Variants in THSD7B observed in about 807,000 individuals in gnomAD.
THSD7B encodes thrombospondin type 1 domain containing 7B.
A neutral mutation model predicts 213.6 loss-of-function variants in THSD7B; 138 were observed. The observed-to-expected ratio is 0.65, with a 90% CI of 0.56 to 0.74. The LOEUF (loss-of-function observed/expected upper bound fraction) is 0.74. THSD7B is among the 30% of genes least tolerant of loss of function. The pLI is 0.00. For synonymous variants in THSD7B, 742 were observed against 687.0 expected (o/e 1.08, Z -1.25); for missense variants, 1,931 against 1,991.5 (o/e 0.97, Z 0.58).
intron 27 of THSD7B, among the ~76,000 whole-genome samples, chr2:137,674,588 A>C (rs1184066383): frequency 6.6e-6 from 1 of 152,188 alleles, no homozygotes; most frequent in African/African-American, 2.4e-5. Flanking sequence ...ACTGGAACAT[A>C]CTTAGTATAG....
intron 14 of THSD7B, 28 bp downstream of exon 14, chr2:137,411,900 T>A: frequency 2.5e-6 from 4 of 1,612,136 alleles, no homozygotes; most frequent in Non-Finnish European, 3.4e-6. Flanking sequence ...GAGTAACAGA[T>A]GAGAACACTC....
At chr2:137,647,790 C>A (rs1199259525) in intron 21 of THSD7B, among the ~76,000 whole-genome samples, 1 of 152,094 alleles carries the variant, frequency 6.6e-6, no homozygotes, top group East Asian at 1.9e-4. Flanking sequence ...ATGTGAGTAG[C>A]CAAGAAACCA....
At chr2:137,335,166 G>T (rs988200858) in intron 12 of THSD7B, among the ~76,000 whole-genome samples, 7 of 152,178 alleles carry the variant, frequency 4.6e-5, no homozygotes, top group African/African-American at 1.7e-4. Flanking sequence ...AAATGTAGTA[G>T]CTATTTGGAA....
At chr2:136,858,900 T>C (rs138611414) in intron 1 of THSD7B, among the ~76,000 whole-genome samples, 166 of 152,314 alleles carry the variant, frequency 1.1e-3, no homozygotes, top group Admixed American at 1.8e-3. Context: ...CCACTGTTAA[T>C]TGAACCATAA....
At chr2:137,004,425 T>C (rs1449186137) in intron 2 of THSD7B, among the ~76,000 whole-genome samples, 7 of 152,138 alleles carry the variant, frequency 4.6e-5, no homozygotes, top group East Asian at 1.9e-4. Flanking sequence ...GTTCTTCTTA[T>C]GGAAACAATT....
chr2:136,823,083 T>C (rs544619186), intron 1 of THSD7B, among the ~76,000 whole-genome samples: 1 of 152,340 alleles, frequency 6.6e-6, no homozygotes, highest in Non-Finnish European at 1.5e-5. Flanking sequence ...CAGCACACGC[T>C]TTCTGGTTAG....
chr2:137,632,006 T>A (rs1682750165), intron 20 of THSD7B, among the ~76,000 whole-genome samples: 1 of 152,144 alleles, frequency 6.6e-6, no homozygotes, highest in South Asian at 2.1e-4. Flanking sequence ...TAGACCTAAT[T>A]TTACCGATGT....
chr2:137,488,562 A>G (rs1379685388), intron 15 of THSD7B, among the ~76,000 whole-genome samples: 1 of 152,194 alleles, frequency 6.6e-6, no homozygotes, highest in Non-Finnish European at 1.5e-5. Flanking sequence ...TTAGAAGTAG[A>G]GGTTCTAGTG....
Position 137,531,763 on chromosome 2 carries a change from C to G in THSD7B, c.3139-31458C>G, listed in dbSNP as rs576861113. 2.6e-5 allele frequency among the ~76,000 whole-genome samples: 4 copies of G among 152,058 alleles called. No individual in the cohort carries two copies. The East Asian group carries it at 7.8e-4, about 30-fold the overall frequency. ...AAAGGCATCTGTGTGACCCTTTCCC[C>G]TTAATGCTCATGTGCTTTATACCAC... On this transcript the variant is annotated intron_variant, in intron 15 of 27. Coordinates refer to ENST00000409968, the MANE Select transcript of THSD7B (RefSeq NM_001316349.2).
At chr2:137,632,243 T>C (rs1321375717) in intron 20 of THSD7B, among the ~76,000 whole-genome samples, 1 of 152,146 alleles carries the variant, frequency 6.6e-6, no homozygotes, top group African/African-American at 2.4e-5. Context: ...GCAGAGAAAA[T>C]GGGTCACAGG....
At chr2:137,648,255 T>C (rs34017645) in intron 21 of THSD7B, among the ~76,000 whole-genome samples, 16,248 of 152,210 alleles carry the variant, frequency 0.11, 1,088 homozygotes, top group South Asian at 0.18. Flanking sequence ...CTTCTGGCCA[T>C]TTTGAAATAT....
At chr2:137,171,324 C>G (rs1680247061) in intron 7 of THSD7B, among the ~76,000 whole-genome samples, 1 of 151,946 alleles carries the variant, frequency 6.6e-6, no homozygotes, top group Non-Finnish European at 1.5e-5. Context: ...TGTTAAGAAT[C>G]CAGGACTGAA....
chr2:136,769,391 G>A (rs182729658), intron 1 of THSD7B, among the ~76,000 whole-genome samples: 32 of 152,280 alleles, frequency 2.1e-4, no homozygotes, highest in African/African-American at 7.0e-4. Flanking sequence ...ACCACATCAA[G>A]CATTTCATTT....
At chr2:137,434,806 T>C (rs1573623777) in intron 14 of THSD7B, among the ~76,000 whole-genome samples, 1 of 152,358 alleles carries the variant, frequency 6.6e-6, no homozygotes, top group East Asian at 1.9e-4. Context: ...CAAGTCTTGT[T>C]CTCAGTTTTG....
chr2:137,014,045 C>T (rs1326304723), intron 2 of THSD7B, among the ~76,000 whole-genome samples: 1 of 152,172 alleles, frequency 6.6e-6, no homozygotes, highest in African/African-American at 2.4e-5. Flanking sequence ...GGAGAGCTGA[C>T]TGCACGCCCT....
rs147985149 is a variant in THSD7B at position 137,329,528 on chromosome 2, A to G, written c.2500+53502A>G. Among the ~76,000 whole-genome samples, 588 of 152,102 alleles carry G rather than the reference A, an allele frequency of 3.9e-3. 17 individuals carry two copies. Among genetic ancestry groups the G allele is most frequent in the Admixed American group, 0.027 (420 of 15,276 alleles). ...TTATAGGTGCCTGCCACTATCCCCAATTAATTTTCTGTATTTTCAGTAGAG... is the reference window on the plus strand; with the variant it reads ...TTATAGGTGCCTGCCACTATCCCCAGTTAATTTTCTGTATTTTCAGTAGAG... On this transcript the variant is annotated intron_variant, in intron 12 of 27. Coordinates refer to ENST00000409968, the MANE Select transcript of THSD7B (RefSeq NM_001316349.2).
At chr2:137,309,451 T>C (rs1346430244) in intron 12 of THSD7B, among the ~76,000 whole-genome samples, 5 of 151,590 alleles carry the variant, frequency 3.3e-5, no homozygotes, top group African/African-American at 7.2e-5. Flanking sequence ...AACTTATTTG[T>C]TTTTTAAAAA....
chr2:136,838,110 A>T (rs1172432082), intron 1 of THSD7B, among the ~76,000 whole-genome samples: 1 of 152,208 alleles, frequency 6.6e-6, no homozygotes, highest in Non-Finnish European at 1.5e-5. Flanking sequence ...CTCAAGTATG[A>T]TACCTGTTAT....
chr2:137,545,817 C>G (rs898255539), intron 15 of THSD7B, among the ~76,000 whole-genome samples: 4 of 151,748 alleles, frequency 2.6e-5, no homozygotes, highest in African/African-American at 9.7e-5. Context: ...GACATGGTCC[C>G]CACCTTCTGG....
Sources: gnomAD v4.1 joint callset for allele counts (sites outside exome capture counted in the v4.1 genomes callset) on GRCh38, gnomAD v4.1.1 for gene constraint, MANE v1.5 for transcripts, NCBI Gene and HGNC (gene_info 2026-07-23, HGNC 2026-07-21) for gene names.